ORC4: variants seen among roughly 807,000 people sequenced by gnomAD.
ORC4 encodes the protein origin recognition complex subunit 4, also known as origin recognition complex, subunit 4 homolog.
ORC4 carries 55 observed loss-of-function variants against 63.9 expected under a neutral mutation model. The ratio of observed to expected loss-of-function variants is 0.86; its 90% CI spans 0.69 to 1.08. The LOEUF (loss-of-function observed/expected upper bound fraction) is 1.08, where lower values mean the gene tolerates loss of function less well. ORC4 is among the 50% of genes least tolerant of loss of function. ORC4 has a pLI of 0.00. For missense variants in ORC4, 511 were observed against 504.4 expected (o/e 1.01, Z -0.13); for synonymous variants, 150 against 168.5 (o/e 0.89, Z 0.85).
intron 13 of ORC4, 47 bp from the exon 14 acceptor site, chr2:147,935,745 A>T: frequency 1.8e-5 from 26 of 1,453,130 alleles, no homozygotes; most frequent in Non-Finnish European, 2.2e-5. Context: ...GAGGAGAGTG[A>T]CAACTCTCCT....
chr2:147,941,343 C>A (rs1272677367), intron 10 of ORC4, among the ~76,000 whole-genome samples: 1 of 151,902 alleles, frequency 6.6e-6, no homozygotes, highest in Non-Finnish European at 1.5e-5. Context: ...TAGACTTTCT[C>A]TAATTAGTAT....
At chr2:148,017,834 A>C (rs954835793) in intron 1 of ORC4, among the ~76,000 whole-genome samples, 2 of 152,262 alleles carry the variant, frequency 1.3e-5, no homozygotes, top group African/African-American at 2.4e-5. Context: ...CTAAAAATTC[A>C]GTTCCTCAGT....
At chr2:147,982,189 C>T (rs1690928195) in intron 1 of ORC4, 1 of 152,206 alleles carries the variant, frequency 6.6e-6, no homozygotes, top group Non-Finnish European at 1.5e-5. Flanking sequence ...TACCTTCTAG[C>T]AGTCTTTTAT....
At chr2:147,996,866 CAT>C (rs900509932) in intron 1 of ORC4, among the ~76,000 whole-genome samples, 1 of 152,200 alleles carries the variant, frequency 6.6e-6, no homozygotes, top group African/African-American at 2.4e-5. Context: ...TAAAACTAAA[CAT>C]ATTTGTTTTA....
intron 1 of ORC4, among the ~76,000 whole-genome samples, chr2:148,016,135 C>G (rs1693268660): frequency 6.6e-6 from 1 of 152,088 alleles, no homozygotes; most frequent in Non-Finnish European, 1.5e-5. Context: ...AAAAAAACAC[C>G]GTTTTGAAGT....
intron 3 of ORC4, 87 bp from the exon 4 acceptor site, chr2:147,972,916 T>G: frequency 8.1e-6 from 7 of 860,758 alleles, no homozygotes; most frequent in Non-Finnish European, 1.2e-5. Context: ...TATTTGAATA[T>G]GCACAGAAAT....
chr2:147,975,982 A>AC lies in ORC4; in HGVS notation c.-17-8_-17-7insG. The AC allele has an allele frequency of 7.2e-7, 1 of 1,396,288 alleles. No individual in the cohort carries two copies. 86.5% of individuals were successfully genotyped at this position (1,396,288 alleles called of 1,614,324 possible). A position where few individuals can be genotyped will look rare whatever the true frequency, so the allele number is the denominator to read the frequency against. On this transcript the variant is annotated splice_polypyrimidine_tract_variant and splice_region_variant and intron_variant, in intron 1 of 13. Transcript: ENST00000392857. ...ATTTCAACAAATTCAAATCCTTTAA[A>AC]AAAATTGGCATAAATATTATAAACG...
Position 147,991,458 on chromosome 2 carries a change from T to C in ORC4, c.-17-15483A>G, listed in dbSNP as rs139568827. ...TTCAAGAACATGGGAGGTAAATAGT[T>C]ATGAAATAAACAACCCCCAGAAGGA... On this transcript the variant is annotated intron_variant, in intron 1 of 13. Coordinates refer to ENST00000392857, the MANE Select transcript of ORC4 (RefSeq NM_181741.4). Among the ~76,000 whole-genome samples the C allele has an allele frequency of 3.4e-3, 521 of 152,294 alleles. 1 individual carries two copies. The highest frequency in any genetic ancestry group is 0.011 in the African/African-American group (476 of 41,538).
intron 1 of ORC4, among the ~76,000 whole-genome samples, chr2:147,976,549 T>C (rs1690569217): frequency 2.0e-5 from 3 of 152,112 alleles, no homozygotes; most frequent in Admixed American, 2.0e-4. Flanking sequence ...AAATCTTCTA[T>C]TCACCTTCCC....
Position 147,952,444 on chromosome 2 carries a change from G to C in ORC4, c.517C>G (p.Leu173Val), listed in dbSNP as rs1173032983. 1 of 1,609,644 alleles carries C rather than the reference G, an allele frequency of 6.2e-7. No homozygotes were observed. Among genetic ancestry groups the C allele is most frequent in the Non-Finnish European group, 8.5e-7 (1 of 1,176,170 alleles). ...TGAGAAATGTCAAAAAGATTATAGA[G>C]AAGTGTTTGGTTTTTATGATGAGCA... Reference protein sequence around the residue: ...LFAHHKNQTLLYNLFDISQSA... With the variant: ...LFAHHKNQTLVYNLFDISQSA... Residue 173 changes from leucine (L) to valine (V), a missense_variant, in exon 8 of 14, where the codon CTC becomes GTC. By Grantham distance (32) the Leu-to-Val change is conservative. Transcript: ENST00000392857.
rs572023625 is a variant in ORC4, at chr2:147,982,877, A to G, written c.-17-6902T>C. Among the ~76,000 whole-genome samples, 6 of 152,324 alleles carry G rather than the reference A, an allele frequency of 3.9e-5. No individual in the cohort carries two copies. In the South Asian group the frequency reaches 1.2e-3, roughly 32 times the overall value. On this transcript the variant is annotated intron_variant, in intron 1 of 13. Coordinates refer to ENST00000392857, the MANE Select transcript of ORC4 (RefSeq NM_181741.4). ...AAGATCTGTATCTAAAGAACCCTCAACACTCAATAATAAAAAAGGAATCCC... is the reference window on the plus strand; with the variant it reads ...AAGATCTGTATCTAAAGAACCCTCAGCACTCAATAATAAAAAAGGAATCCC...
intron 11 of ORC4, 112 bp from the exon 12 acceptor site, chr2:147,938,505 G>T: frequency 1.4e-6 from 1 of 702,110 alleles, no homozygotes; most frequent in East Asian, 2.5e-5. Flanking sequence ...GGGTGAAGAA[G>T]GTCAAGATTC....
chr2:147,965,131 T>C (rs969890292), intron 4 of ORC4, among the ~76,000 whole-genome samples: 2 of 152,144 alleles, frequency 1.3e-5, no homozygotes, highest in East Asian at 1.9e-4. Context: ...TAAAACTCAC[T>C]GGTACTGCGG....
At chr2:147,948,872 A>G (rs935676166) in intron 8 of ORC4, among the ~76,000 whole-genome samples, 2 of 151,548 alleles carry the variant, frequency 1.3e-5, no homozygotes, top group Non-Finnish European at 2.9e-5. Context: ...AAACTATCCA[A>G]GACATCAAAA....
At chr2:148,016,743 T>C (rs951270615) in intron 1 of ORC4, among the ~76,000 whole-genome samples, 6 of 152,250 alleles carry the variant, frequency 3.9e-5, no homozygotes, top group African/African-American at 1.2e-4. Context: ...GTGTTGATTG[T>C]AATGACCTAT....
chr2:147,980,282 C>T (rs1042771215), intron 1 of ORC4, among the ~76,000 whole-genome samples: 1 of 151,832 alleles, frequency 6.6e-6, no homozygotes, highest in African/African-American at 2.4e-5. Flanking sequence ...ATTATAATAG[C>T]TATTTACAAA....
Position 147,930,815 on chromosome 2 carries a change from G to A in ORC4, c.*4695C>T, listed in dbSNP as rs2105233037. 1 of 151,208 alleles carries A rather than the reference G, an allele frequency of 6.6e-6. No individual in the cohort carries two copies. Among genetic ancestry groups the A allele is most frequent in the East Asian group, 1.9e-4 (1 of 5,144 alleles). 9.4% of individuals were successfully genotyped at this position (151,208 alleles called of 1,614,324 possible). On this transcript the variant is annotated 3_prime_UTR_variant, in exon 14 of 14. Transcript: ENST00000392857. ...CCATCCCCAAGTTAAATAAAAAAAT[G>A]AATACGGTATGATTTGCATATGCAG...
intron 2 of ORC4, among the ~76,000 whole-genome samples, chr2:147,973,762 G>A (rs114668372): frequency 0.018 from 2,764 of 152,264 alleles, 40 homozygotes; most frequent in Non-Finnish European, 0.029. Flanking sequence ...GTTTCAACAA[G>A]AGGGAGAATC....
intron 1 of ORC4, among the ~76,000 whole-genome samples, chr2:147,996,804 T>C (rs1692001645): frequency 6.6e-6 from 1 of 152,296 alleles, no homozygotes; most frequent in East Asian, 1.9e-4. Flanking sequence ...TCATGGCTCA[T>C]GGAAAAGCAA....
Sources: gnomAD v4.1 joint callset for allele counts (sites outside exome capture counted in the v4.1 genomes callset) on GRCh38, gnomAD v4.1.1 for gene constraint, MANE v1.5 for transcripts, NCBI Gene and HGNC (gene_info 2026-07-23, HGNC 2026-07-21) for gene names.